FGF12: variants seen among roughly 807,000 people sequenced by gnomAD.
The protein encoded by FGF12 is fibroblast growth factor 12B.
FGF12 carries 14 observed loss-of-function variants against 23.6 expected under a neutral mutation model. The ratio of observed to expected loss-of-function variants is 0.59; its 90% CI spans 0.39 to 0.93. The LOEUF (loss-of-function observed/expected upper bound fraction) is 0.93. FGF12 is among the 40% of genes least tolerant of loss of function. The pLI is 0.00. For synonymous variants in FGF12, 62 were observed against 77.3 expected (o/e 0.80, Z 1.04); for missense variants, 175 against 217.8 (o/e 0.80, Z 1.24).
At position 192,479,207 on chromosome 3, in the gene FGF12, C is replaced by T. The variant is rs531641083; in HGVS notation, c.14-118669G>A. 4.6e-5 allele frequency among the ~76,000 whole-genome samples: 7 copies of T among 152,286 alleles called. No individual in the cohort carries two copies. In the South Asian group the frequency reaches 1.4e-3, roughly 32 times the overall value. On this transcript the variant is annotated intron_variant, in intron 2 of 5. Coordinates refer to ENST00000445105, the MANE Select transcript of FGF12 (RefSeq NM_004113.6). ...CCAGTGTCTAAAAGGAATTATTCCA[C>T]TTCCAAGGCCACAGGAGACTATATC...
intron 2 of FGF12, among the ~76,000 whole-genome samples, chr3:192,705,470 T>C (rs1321181103): frequency 6.6e-6 from 1 of 152,232 alleles, no homozygotes; most frequent in Non-Finnish European, 1.5e-5. Flanking sequence ...TGGAAACAGA[T>C]TTTGGTGTGA....
At chr3:192,284,501 G>A (rs755474240) in intron 4 of FGF12, among the ~76,000 whole-genome samples, 1 of 151,988 alleles carries the variant, frequency 6.6e-6, no homozygotes, top group Non-Finnish European at 1.5e-5. Context: ...TGAGACTCTA[G>A]CTAAATGCAG....
chr3:192,430,774 T>C (rs904090210), intron 2 of FGF12, among the ~76,000 whole-genome samples: 4 of 151,318 alleles, frequency 2.6e-5, no homozygotes, highest in African/African-American at 9.8e-5. Context: ...AAGAGGGTAG[T>C]CTTGGGTGGG....
chr3:192,284,224 A>G (rs1163819070), intron 4 of FGF12, among the ~76,000 whole-genome samples: 1 of 152,108 alleles, frequency 6.6e-6, no homozygotes, highest in Non-Finnish European at 1.5e-5. Context: ...CTACACTGGA[A>G]AGTTCTTGAT....
chr3:192,267,220 A>T (rs1217494836), intron 4 of FGF12: 1 of 152,176 alleles, frequency 6.6e-6, no homozygotes, highest in Non-Finnish European at 1.5e-5. Flanking sequence ...TACATAGTTG[A>T]TTAATGCAAC....
At chr3:192,200,104 C>T (rs184163358) in intron 4 of FGF12, among the ~76,000 whole-genome samples, 3 of 151,540 alleles carry the variant, frequency 2.0e-5, no homozygotes, top group African/African-American at 7.3e-5. Context: ...ATTGTCTGAG[C>T]TCAGGAGTTT....
intron 3 of FGF12, among the ~76,000 whole-genome samples, chr3:192,352,878 C>T (rs1349024293): frequency 6.6e-6 from 1 of 152,166 alleles, no homozygotes; most frequent in Non-Finnish European, 1.5e-5. Flanking sequence ...ATGTATTTAA[C>T]TCTCTAGATC....
At chr3:192,459,955 A>T (rs1722812417) in intron 2 of FGF12, among the ~76,000 whole-genome samples, 1 of 152,136 alleles carries the variant, frequency 6.6e-6, no homozygotes, top group Non-Finnish European at 1.5e-5. Context: ...TCATGTACTG[A>T]GAGACATGTT....
chr3:192,659,775 T>A (rs1365509333), intron 2 of FGF12, among the ~76,000 whole-genome samples: 1 of 152,132 alleles, frequency 6.6e-6, no homozygotes, highest in Non-Finnish European at 1.5e-5. Context: ...AGTGTAAAAG[T>A]GTTCCTATTT....
chr3:192,570,015 G>A (rs1265172270), intron 2 of FGF12, among the ~76,000 whole-genome samples: 2 of 152,224 alleles, frequency 1.3e-5, no homozygotes, highest in African/African-American at 4.8e-5. Flanking sequence ...AGTGATGACT[G>A]CAAGGAGGCA....
chr3:192,276,226 A>G (rs1298024923), intron 4 of FGF12, among the ~76,000 whole-genome samples: 2 of 152,154 alleles, frequency 1.3e-5, no homozygotes, highest in East Asian at 1.9e-4. Flanking sequence ...GTGTTTAAGC[A>G]CTAAAGTTTC....
chr3:192,339,505 C>A (rs989401430), intron 3 of FGF12, among the ~76,000 whole-genome samples: 1 of 152,182 alleles, frequency 6.6e-6, no homozygotes. Context: ...TCACCCTTTC[C>A]ATCTGCTGTA....
At chr3:192,422,551 AC>A (rs1260632074) in intron 2 of FGF12, among the ~76,000 whole-genome samples, 3 of 152,190 alleles carry the variant, frequency 2.0e-5, no homozygotes, top group Non-Finnish European at 2.9e-5. Flanking sequence ...ATCTTGTGCC[AC>A]AAAGCCCTTC....
chr3:192,365,993 AAAC>A (rs1337437832), intron 2 of FGF12, among the ~76,000 whole-genome samples: 5 of 149,456 alleles, frequency 3.3e-5, no homozygotes, highest in Middle Eastern at 3.4e-3. Flanking sequence ...AAAAAAAAAA[AAAC>A]AACAACAAAA....
chr3:192,510,269 C>T (rs4687338), intron 2 of FGF12, among the ~76,000 whole-genome samples: 111,120 of 152,100 alleles, frequency 0.73, 41,881 homozygotes, highest in Non-Finnish European at 0.83. Context: ...GTGCTAATGA[C>T]AACTCAACAA....
At chr3:192,675,432 ATAATT>A (rs1717294260) in intron 2 of FGF12, among the ~76,000 whole-genome samples, 2 of 152,320 alleles carry the variant, frequency 1.3e-5, no homozygotes, top group African/African-American at 4.8e-5. Context: ...AGAGGATTAT[ATAATT>A]TATTATGCAC....
At chr3:192,154,857 CG>C (rs1714280668) in intron 5 of FGF12, among the ~76,000 whole-genome samples, 3 of 142,366 alleles carry the variant, frequency 2.1e-5, no homozygotes, top group South Asian at 4.8e-4. Flanking sequence ...TCGAGCTTCC[CG>C]GCTGCTTTGT....
At chr3:192,465,783 T>G (rs892677147) in intron 2 of FGF12, among the ~76,000 whole-genome samples, 1 of 152,306 alleles carries the variant, frequency 6.6e-6, no homozygotes, top group South Asian at 2.1e-4. Flanking sequence ...AAACATTGTA[T>G]ACATGTTACT....
chr3:192,429,127 T>C lies in FGF12; in HGVS notation c.14-68589A>G, dbSNP rs140953946. 1.4e-3 allele frequency among the ~76,000 whole-genome samples: 213 copies of C among 152,274 alleles called. 2 individuals carry two copies. The highest frequency in any genetic ancestry group is 4.9e-3 in the African/African-American group (203 of 41,570). On this transcript the variant is annotated intron_variant, in intron 2 of 5. Coordinates refer to ENST00000445105, the MANE Select transcript of FGF12 (RefSeq NM_004113.6). The stretch of plus-strand genomic sequence containing the variant: ...AAAAGAGTACTTCACAAATTAATAT[T>C]GAGTTGAAATATTTAAGTTCACTGG...
Sources: gnomAD v4.1 joint callset for allele counts (sites outside exome capture counted in the v4.1 genomes callset) on GRCh38, gnomAD v4.1.1 for gene constraint, MANE v1.5 for transcripts, NCBI Gene and HGNC (gene_info 2026-07-23, HGNC 2026-07-21) for gene names.